The following POM121C variants were observed in gnomAD, a reference collection of about 807,000 sequenced individuals.
The protein encoded by POM121C is POM121 transmembrane nucleoporin C, also known as nuclear envelope pore membrane protein POM 121C.
A neutral mutation model predicts 66.4 loss-of-function variants in POM121C; 20 were observed. That is an observed-to-expected ratio of 0.30 (90% CI 0.21 to 0.44). The LOEUF is 0.44. Among genes scored for constraint, POM121C ranks in the 20% least tolerant of loss-of-function variants. The pLI, the probability that POM121C is intolerant of heterozygous loss-of-function variation, is 1.00. For missense variants in POM121C, 580 were observed against 1,225.7 expected (o/e 0.47, Z 7.87); for synonymous variants, 286 against 528.0 (o/e 0.54, Z 6.28).
At chr7:75,429,255 T>G (rs1294679625) in intron 7 of POM121C, among the ~76,000 whole-genome samples, 1 of 152,206 alleles carries the variant, frequency 6.6e-6, no homozygotes, top group African/African-American at 2.4e-5. Context: ...TTAGCAAACT[T>G]TCTGAATACA....
At chr7:75,438,783 C>A (rs1282268467) in intron 6 of POM121C, among the ~76,000 whole-genome samples, 4 of 152,204 alleles carry the variant, frequency 2.6e-5, no homozygotes, top group Admixed American at 6.5e-5. Flanking sequence ...TTCCTTTCCA[C>A]CCAATTCTTC....
In POM121C at chr7:75,417,599, G is replaced by A. The variant is rs1305969094; in HGVS notation, c.*1197C>T. 1 of 981,774 alleles carries A rather than the reference G, an allele frequency of 1.0e-6. No individual in the cohort carries two copies. The highest frequency in any genetic ancestry group is 1.2e-6 in the Non-Finnish European group (1 of 826,438). 60.8% of individuals were successfully genotyped at this position (981,774 alleles called of 1,614,324 possible). A position where few individuals can be genotyped will look rare whatever the true frequency, so the allele number is the denominator to read the frequency against. On this transcript the variant is annotated 3_prime_UTR_variant, in exon 15 of 15. Transcript: ENST00000615331. ...AGAGGGCCCTGTTTGGGAAAAATAG[G>A]ATTTTAAAAATATGGTTCATTAATT... is the stretch of plus-strand genomic sequence containing the variant.
intron 7 of POM121C, among the ~76,000 whole-genome samples, chr7:75,436,501 G>A (rs2116390961): frequency 6.6e-6 from 1 of 152,210 alleles, no homozygotes; most frequent in African/African-American, 2.4e-5. Flanking sequence ...ATTTAAGAGG[G>A]GTAATGGTAT....
chr7:75,468,313 CTT>C (rs59483137), intron 3 of POM121C, among the ~76,000 whole-genome samples: 3 of 89,754 alleles, frequency 3.3e-5, no homozygotes, highest in Non-Finnish European at 4.2e-5. Context: ...AAGACTCCAG[CTT>C]TTTTTTTTTT....
intron 7 of POM121C, among the ~76,000 whole-genome samples, chr7:75,434,784 T>C (rs1357683803): frequency 1.3e-5 from 2 of 151,912 alleles, no homozygotes; most frequent in East Asian, 1.9e-4. Flanking sequence ...GATTTCACCA[T>C]GTTGGCCAGG....
intron 12 of POM121C, among the ~76,000 whole-genome samples, 199 bp downstream of exon 12, chr7:75,423,850 G>T (rs1259186280): frequency 6.6e-6 from 1 of 152,336 alleles, no homozygotes; most frequent in Non-Finnish European, 1.5e-5. Context: ...CAGATCCTGA[G>T]CGTCGCAGCA....
intron 3 of POM121C, among the ~76,000 whole-genome samples, chr7:75,456,175 G>A (rs1554476276): frequency 6.6e-6 from 1 of 152,190 alleles, no homozygotes; most frequent in African/African-American, 2.4e-5. Context: ...GGAAGTCAAC[G>A]CTGCAGTGAG....
intron 7 of POM121C, among the ~76,000 whole-genome samples, chr7:75,435,102 G>C (rs1430781094): frequency 6.6e-6 from 1 of 152,104 alleles, no homozygotes; most frequent in African/African-American, 2.4e-5. Flanking sequence ...AACTGCCAAG[G>C]GTGAAAGGAC....
At chr7:75,464,921 G>A (rs181591984) in intron 3 of POM121C, among the ~76,000 whole-genome samples, 29 of 143,646 alleles carry the variant, frequency 2.0e-4, no homozygotes, top group African/African-American at 7.4e-4. Context: ...AGACTATTTC[G>A]AATTCATTAG....
At chr7:75,442,148 G>A (rs1554474107) in intron 3 of POM121C, 20 of 1,359,102 alleles carry the variant, frequency 1.5e-5, no homozygotes, top group Non-Finnish European at 1.9e-5. Flanking sequence ...ATCTCACCGT[G>A]GGGAAGGCCT....
chr7:75,460,829 T>TCC (rs1791418524), intron 3 of POM121C, among the ~76,000 whole-genome samples: 1 of 152,094 alleles, frequency 6.6e-6, no homozygotes, highest in Non-Finnish European at 1.5e-5. Context: ...CCTTGGTGGG[T>TCC]CCAATGGGTC....
At chr7:75,441,141 C>T (rs201739507) in intron 4 of POM121C, 26 bp from the exon 5 acceptor site, 106 of 1,608,234 alleles carry the variant, frequency 6.6e-5, no homozygotes, top group Non-Finnish European at 8.6e-5. Context: ...AGATTCTAGC[C>T]GTAAGATATT....
At chr7:75,436,015 C>T (rs1461525956) in intron 7 of POM121C, among the ~76,000 whole-genome samples, 1 of 150,388 alleles carries the variant, frequency 6.6e-6, no homozygotes, top group African/African-American at 2.4e-5. Context: ...CGCACCACTG[C>T]GCTCCAGCGT....
intron 3 of POM121C, among the ~76,000 whole-genome samples, chr7:75,453,968 C>T (rs1791117040): frequency 6.6e-6 from 1 of 152,246 alleles, no homozygotes; most frequent in Admixed American, 6.5e-5. Flanking sequence ...CGGCAGCTTA[C>T]TTCTAAGGGC....
Position 75,431,220 on chromosome 7 carries a change from A to C in POM121C, c.481-4767T>G, listed in dbSNP as rs1790164212. Among the ~76,000 whole-genome samples, 2 of 152,140 alleles carry C rather than the reference A, an allele frequency of 1.3e-5. 1 individual carries two copies. Among genetic ancestry groups the C allele is most frequent in the South Asian group, 4.1e-4 (2 of 4,826 alleles). ...AAACCACAATGAAATATTACTTCAC[A>C]CTTAGCAGAATGGCTAAAGAGACTG... On this transcript the variant is annotated intron_variant, in intron 7 of 14. Coordinates refer to ENST00000615331, the MANE Select transcript of POM121C (RefSeq NM_001099415.3).
intron 7 of POM121C, among the ~76,000 whole-genome samples, chr7:75,435,350 G>A (rs187903436): frequency 6.6e-6 from 1 of 152,036 alleles, no homozygotes; most frequent in Non-Finnish European, 1.5e-5. Context: ...ACACTGATAC[G>A]CATACCGTTT....
chr7:75,438,580 G>T (rs117282715), intron 6 of POM121C, among the ~76,000 whole-genome samples: 9,693 of 152,222 alleles, frequency 0.064, 437 homozygotes, highest in South Asian at 0.097. Flanking sequence ...AGTGCAGTAC[G>T]CTGATCTGAC....
Position 75,475,043 on chromosome 7 carries a change from G to A in POM121C, c.-331+19C>T. On this transcript the variant is annotated intron_variant, in intron 2 of 14. Coordinates refer to ENST00000615331, the MANE Select transcript of POM121C (RefSeq NM_001099415.3). ...AACCCCATTCAACTGAGAGCATTCA[G>A]AAAGCAAGCTATCCTCACCCAAGGA... The A allele has an allele frequency of 7.1e-7, 1 of 1,402,430 alleles. No individual in the cohort carries two copies. The highest frequency in any genetic ancestry group is 2.1e-4 in the Middle Eastern group (1 of 4,710). 86.9% of individuals were successfully genotyped at this position (1,402,430 alleles called of 1,614,324 possible).
intron 13 of POM121C, 181 bp downstream of exon 13, chr7:75,421,328 A>G (rs1185293916): frequency 1.4e-6 from 2 of 1,447,516 alleles, no homozygotes; most frequent in East Asian, 5.0e-5. Context: ...TTAAATCCAC[A>G]ATGGCTCCTC....
Sources: allele counts gnomAD v4.1 joint callset (sites outside exome capture counted in the v4.1 genomes callset), GRCh38; gene constraint gnomAD v4.1.1; transcripts MANE v1.5; gene names NCBI Gene and HGNC (gene_info 2026-07-23, HGNC 2026-07-21).